CPED1: variants seen among roughly 807,000 people sequenced by gnomAD.
CPED1 encodes cadherin like and PC-esterase domain containing 1, also known as cadherin-like and PC-esterase domain-containing protein 1.
In CPED1, 114 loss-of-function variants were observed where a neutral mutation model predicts 128.2. That is an observed-to-expected ratio of 0.89 (90% CI 0.76 to 1.04). The LOEUF (loss-of-function observed/expected upper bound fraction) is 1.04. Among genes scored for constraint, CPED1 ranks in the 50% least tolerant of loss-of-function variants. CPED1 has a pLI of 0.00. For synonymous variants in CPED1, 462 were observed against 426.7 expected (o/e 1.08, Z -1.02); for missense variants, 1,211 against 1,207.1 (o/e 1.00, Z -0.05).
intron 16 of CPED1, among the ~76,000 whole-genome samples, chr7:121,156,474 G>T (rs1796283297): frequency 6.6e-6 from 1 of 151,978 alleles, no homozygotes; most frequent in African/African-American, 2.4e-5. Context: ...AGAAAACATG[G>T]TATTATACAC....
chr7:121,161,461 T>C lies in CPED1; in HGVS notation c.2055+19320T>C, dbSNP rs562510724. Among the ~76,000 whole-genome samples the C allele has an allele frequency of 7.2e-5, 11 of 152,306 alleles. No individual in the cohort carries two copies. In the East Asian group the frequency reaches 2.1e-3, roughly 29 times the overall value. ...GAATCTCTCTCCCAGGATTTTTCTC[T>C]CTCTGTCTTTCCTATCTCTGACCTC... On this transcript the variant is annotated intron_variant, in intron 16 of 22. Coordinates refer to ENST00000310396, the MANE Select transcript of CPED1 (RefSeq NM_024913.5).
chr7:121,167,804 C>T (rs4568546), intron 16 of CPED1, among the ~76,000 whole-genome samples: 147,224 of 148,836 alleles, frequency 0.99, 72,842 homozygotes, highest in East Asian at 1. Flanking sequence ...CGATCTCGGC[C>T]CACTGCAAGC....
intron 4 of CPED1, among the ~76,000 whole-genome samples, chr7:121,059,199 G>A (rs1339164387): frequency 6.6e-6 from 1 of 152,186 alleles, no homozygotes; most frequent in Admixed American, 6.5e-5. Flanking sequence ...TGTAGGATTA[G>A]CAGTCCCTAA....
chr7:121,289,890 G>A (rs1486181398), intron 22 of CPED1, among the ~76,000 whole-genome samples: 1 of 152,040 alleles, frequency 6.6e-6, no homozygotes, highest in Non-Finnish European at 1.5e-5. Context: ...ATGTGTCATG[G>A]TGGTTTGCTG....
intron 2 of CPED1, among the ~76,000 whole-genome samples, chr7:121,002,144 G>A (rs188123054): frequency 6.6e-6 from 1 of 152,258 alleles, no homozygotes; most frequent in East Asian, 1.9e-4. Flanking sequence ...CTACAATTGA[G>A]TTTCCTCTTG....
intron 5 of CPED1, among the ~76,000 whole-genome samples, chr7:121,091,342 C>T (rs1794568237): frequency 6.6e-6 from 1 of 152,120 alleles, no homozygotes; most frequent in Admixed American, 6.6e-5. Context: ...TGTGTCTTTA[C>T]AGGCCATGTA....
At chr7:121,115,660 A>G (rs1201770322) in intron 7 of CPED1, among the ~76,000 whole-genome samples, 1 of 152,212 alleles carries the variant, frequency 6.6e-6, no homozygotes, top group Non-Finnish European at 1.5e-5. Flanking sequence ...TACTGCCTGT[A>G]ACAAATATTA....
intron 5 of CPED1, among the ~76,000 whole-genome samples, chr7:121,085,370 A>G (rs1483192623): frequency 6.6e-6 from 1 of 152,226 alleles, no homozygotes; most frequent in Non-Finnish European, 1.5e-5. Flanking sequence ...AGCCTGAATA[A>G]GTAAAAAATA....
At chr7:120,992,568 A>G (rs1796326237) in intron 2 of CPED1, among the ~76,000 whole-genome samples, 1 of 152,218 alleles carries the variant, frequency 6.6e-6, no homozygotes, top group African/African-American at 2.4e-5. Context: ...CTGCCCCTCC[A>G]GGATGTGTAA....
At chr7:121,106,118 A>G (rs371770885) in intron 7 of CPED1, among the ~76,000 whole-genome samples, 2 of 152,220 alleles carry the variant, frequency 1.3e-5, no homozygotes, top group African/African-American at 2.4e-5. Flanking sequence ...AAGGTACCTC[A>G]TTAATAATAA....
intron 2 of CPED1, among the ~76,000 whole-genome samples, chr7:121,001,124 T>C (rs1017371976): frequency 6.6e-6 from 1 of 152,168 alleles, no homozygotes; most frequent in Admixed American, 6.6e-5. Context: ...CTTCGGTACA[T>C]TTTGCTCAGG....
At chr7:121,029,581 G>C (rs987753952) in intron 3 of CPED1, among the ~76,000 whole-genome samples, 1 of 152,046 alleles carries the variant, frequency 6.6e-6, no homozygotes, top group African/African-American at 2.4e-5. Flanking sequence ...AATAATGAGG[G>C]TTTACATTTT....
intron 21 of CPED1, among the ~76,000 whole-genome samples, chr7:121,269,422 A>C (rs1792192114): frequency 6.6e-6 from 1 of 151,990 alleles, no homozygotes; most frequent in African/African-American, 2.4e-5. Flanking sequence ...GGTTGGTTCT[A>C]TGTCTTTTCT....
At chr7:121,141,951 C>G in intron 15 of CPED1, 22 bp from the exon 16 acceptor site, 1 of 1,600,496 alleles carries the variant, frequency 6.2e-7, no homozygotes, top group Non-Finnish European at 8.6e-7. Context: ...TATTCTATTT[C>G]TCTCTCCCTC....
At chr7:121,054,886 GT>G (rs1358817779) in intron 4 of CPED1, among the ~76,000 whole-genome samples, 1 of 151,758 alleles carries the variant, frequency 6.6e-6, no homozygotes, top group African/African-American at 2.4e-5. Flanking sequence ...TGTCCCTATT[GT>G]TTTTTTGTTT....
intron 16 of CPED1, among the ~76,000 whole-genome samples, chr7:121,165,285 C>T (rs1796498735): frequency 6.6e-6 from 1 of 152,070 alleles, no homozygotes; most frequent in South Asian, 2.1e-4. Context: ...AGTGTTTTTT[C>T]TTGTTTCTTT....
chr7:121,085,044 T>C (rs983535140), intron 5 of CPED1, among the ~76,000 whole-genome samples: 4 of 143,974 alleles, frequency 2.8e-5, no homozygotes, highest in African/African-American at 1.1e-4. Context: ...TATTCATAAG[T>C]ACAATCCTCT....
At chr7:121,067,732 A>G (rs1793877394) in intron 5 of CPED1, among the ~76,000 whole-genome samples, 1 of 152,180 alleles carries the variant, frequency 6.6e-6, no homozygotes, top group Non-Finnish European at 1.5e-5. Flanking sequence ...TCCCACCAAC[A>G]GTGTAAAAGT....
intron 2 of CPED1, among the ~76,000 whole-genome samples, chr7:121,012,781 G>C (rs1792194255): frequency 6.6e-6 from 1 of 152,176 alleles, no homozygotes; most frequent in African/African-American, 2.4e-5. Context: ...TATAGTCTGA[G>C]ATGTGGGTTA....
Sources: gnomAD v4.1 joint callset for allele counts (sites outside exome capture counted in the v4.1 genomes callset) on GRCh38, gnomAD v4.1.1 for gene constraint, MANE v1.5 for transcripts, NCBI Gene and HGNC (gene_info 2026-07-23, HGNC 2026-07-21) for gene names.